The following KCNQ5 variants were observed in gnomAD, a reference collection of about 807,000 sequenced individuals.
The protein encoded by KCNQ5 is potassium voltage-gated channel subfamily Q member 5, also known as potassium voltage-gated channel subfamily KQT member 5.
A neutral mutation model predicts 98.2 loss-of-function variants in KCNQ5; 30 were observed. The ratio of observed to expected loss-of-function variants is 0.31; its 90% CI spans 0.23 to 0.41. The LOEUF is 0.41. Among genes scored for constraint, KCNQ5 ranks in the 10% least tolerant of loss-of-function variants. The pLI is 1.00. For missense variants in KCNQ5, 835 were observed against 1,182.5 expected (o/e 0.71, Z 4.31); for synonymous variants, 458 against 449.4 (o/e 1.02, Z -0.24).
intron 1 of KCNQ5, among the ~76,000 whole-genome samples, chr6:72,753,358 T>G (rs1482537103): frequency 6.6e-6 from 1 of 150,856 alleles, no homozygotes; most frequent in Non-Finnish European, 1.5e-5. Context: ...TATTCTTTCA[T>G]TAATTGTTGG....
chr6:73,170,418 C>CA (rs1562218245), intron 11 of KCNQ5, among the ~76,000 whole-genome samples: 13 of 105,782 alleles, frequency 1.2e-4, no homozygotes, highest in African/African-American at 5.9e-4. Context: ...TGACCTTTCC[C>CA]ACCACACACA....
intron 1 of KCNQ5, among the ~76,000 whole-genome samples, chr6:72,871,343 C>G (rs1273859526): frequency 6.6e-6 from 1 of 152,138 alleles, no homozygotes; most frequent in African/African-American, 2.4e-5. Context: ...GTAGGAAATT[C>G]TGGGAAACAA....
At chr6:72,797,647 G>GT (rs1463120863) in intron 1 of KCNQ5, among the ~76,000 whole-genome samples, 3 of 152,176 alleles carry the variant, frequency 2.0e-5, no homozygotes, top group Non-Finnish European at 4.4e-5. Context: ...GCCAATTGAG[G>GT]TTTTAATTGT....
At chr6:72,705,424 G>A (rs1650966892) in intron 1 of KCNQ5, among the ~76,000 whole-genome samples, 1 of 152,120 alleles carries the variant, frequency 6.6e-6, no homozygotes, top group African/African-American at 2.4e-5. Flanking sequence ...TCTATAGAGT[G>A]AAAGAAATAC....
At chr6:72,737,882 G>C (rs867530643) in intron 1 of KCNQ5, among the ~76,000 whole-genome samples, 18 of 152,216 alleles carry the variant, frequency 1.2e-4, no homozygotes, top group African/African-American at 3.6e-4. Flanking sequence ...GGGGCTGGGC[G>C]CAGTGGCTCA....
chr6:72,816,322 G>A (rs1194052434), intron 1 of KCNQ5, among the ~76,000 whole-genome samples: 1 of 152,206 alleles, frequency 6.6e-6, no homozygotes, highest in African/African-American at 2.4e-5. Flanking sequence ...TAGAAGCAAT[G>A]AGCATAGAAG....
chr6:72,903,507 C>T (rs551270169), intron 1 of KCNQ5, among the ~76,000 whole-genome samples: 3 of 152,106 alleles, frequency 2.0e-5, no homozygotes, highest in African/African-American at 7.2e-5. Flanking sequence ...TTGCTGTATC[C>T]CAGAGGTTTT....
chr6:72,736,798 C>A (rs1250132437), intron 1 of KCNQ5, among the ~76,000 whole-genome samples: 1 of 151,226 alleles, frequency 6.6e-6, no homozygotes, highest in Non-Finnish European at 1.5e-5. Flanking sequence ...CGCGCCCGGC[C>A]GTAAAAAAAG....
chr6:72,772,968 T>C (rs1772973935), intron 1 of KCNQ5, among the ~76,000 whole-genome samples: 1 of 152,176 alleles, frequency 6.6e-6, no homozygotes, highest in African/African-American at 2.4e-5. Context: ...TTAAACTATA[T>C]TGTTAAGGAC....
chr6:72,662,541 T>C (rs9442832), intron 1 of KCNQ5, among the ~76,000 whole-genome samples: 35,017 of 151,900 alleles, frequency 0.23, 5,208 homozygotes, highest in East Asian at 0.51. Flanking sequence ...AATTAAATAA[T>C]ATTCACAAAT....
At chr6:73,077,614 A>T (rs762561252) in intron 4 of KCNQ5, 117 bp downstream of exon 4, 4 of 1,314,014 alleles carry the variant, frequency 3.0e-6, no homozygotes, top group Non-Finnish European at 4.1e-6. Flanking sequence ...TGGTTAAAAC[A>T]ATTTTGGGAC....
At chr6:72,670,323 G>C (rs1387060094) in intron 1 of KCNQ5, among the ~76,000 whole-genome samples, 2 of 152,124 alleles carry the variant, frequency 1.3e-5, no homozygotes, top group African/African-American at 4.8e-5. Context: ...TTCTTTGTGA[G>C]CTTTCACCAG....
chr6:72,794,880 C>T (rs751364439), intron 1 of KCNQ5, among the ~76,000 whole-genome samples: 29 of 152,116 alleles, frequency 1.9e-4, no homozygotes, highest in Non-Finnish European at 2.5e-4. Flanking sequence ...CATTTGGTTG[C>T]AAGTTACAGA....
At chr6:72,789,768 A>G (rs917346180) in intron 1 of KCNQ5, among the ~76,000 whole-genome samples, 4 of 152,224 alleles carry the variant, frequency 2.6e-5, no homozygotes, top group African/African-American at 9.6e-5. Context: ...AAGTCAGGAA[A>G]GGAACTCAAA....
At chr6:72,643,988 A>C (rs1326195402) in intron 1 of KCNQ5, among the ~76,000 whole-genome samples, 2 of 152,152 alleles carry the variant, frequency 1.3e-5, no homozygotes, top group Non-Finnish European at 2.9e-5. Flanking sequence ...GTGGATATGT[A>C]TGACATGGTA....
At chr6:72,893,939 A>T (rs1210939895) in intron 1 of KCNQ5, among the ~76,000 whole-genome samples, 1 of 152,122 alleles carries the variant, frequency 6.6e-6, no homozygotes, top group Non-Finnish European at 1.5e-5. Context: ...ATCCTTTCTG[A>T]TGTTCTAATA....
chr6:73,017,141 C>T (rs1770381198), intron 2 of KCNQ5, among the ~76,000 whole-genome samples: 1 of 152,062 alleles, frequency 6.6e-6, no homozygotes, highest in African/African-American at 2.4e-5. Flanking sequence ...TCTGGAGTCC[C>T]AAAAATGAAT....
At chr6:72,723,984 T>A (rs985563713) in intron 1 of KCNQ5, among the ~76,000 whole-genome samples, 1 of 152,172 alleles carries the variant, frequency 6.6e-6, no homozygotes, top group African/African-American at 2.4e-5. Context: ...AATGTTGTAA[T>A]ATGATTTTTA....
rs984876512 is a variant in KCNQ5, at chr6:73,146,394, G to A, written c.1468+12753G>A. Among the ~76,000 whole-genome samples, 10 of 152,248 alleles carry A rather than the reference G, an allele frequency of 6.6e-5. No individual in the cohort carries two copies. The East Asian group carries it at 1.7e-3, about 26-fold the overall frequency. On this transcript the variant is annotated intron_variant, in intron 10 of 13. Transcript: ENST00000370398. The stretch of plus-strand genomic sequence containing the variant: ...GATCCCCACACTTTGGGAGGCCCAG[G>A]CCTGTGGATCACTTGAGCCCAGGAG...
Sources: allele counts gnomAD v4.1 joint callset (sites outside exome capture counted in the v4.1 genomes callset), GRCh38; gene constraint gnomAD v4.1.1; transcripts MANE v1.5; gene names NCBI Gene and HGNC (gene_info 2026-07-23, HGNC 2026-07-21).